PLCH1: variants seen among roughly 807,000 people sequenced by gnomAD.
PLCH1 encodes the protein 1-phosphatidylinositol 4,5-bisphosphate phosphodiesterase eta-1.
A neutral mutation model predicts 126.7 loss-of-function variants in PLCH1; 60 were observed. The ratio of observed to expected loss-of-function variants is 0.47; its 90% CI spans 0.38 to 0.59. The LOEUF is 0.59. Ranked by LOEUF, PLCH1 falls within the 20% of genes least tolerant of loss-of-function variation. The pLI, the probability that PLCH1 is intolerant of heterozygous loss-of-function variation, is 0.00. For missense variants in PLCH1, 1,723 were observed against 2,040.0 expected, an observed-to-expected ratio of 0.84 and a Z score of 2.99; for synonymous variants, 719 against 734.9, an observed-to-expected ratio of 0.98 and a Z score of 0.35.
chr3:155,520,605 G>A (rs1036013688), intron 11 of PLCH1, among the ~76,000 whole-genome samples: 15 of 152,208 alleles, frequency 9.9e-5, no homozygotes, highest in African/African-American at 3.6e-4. Flanking sequence ...TACAGAGGTG[G>A]AAAGTGTGTA....
At position 155,470,332 on chromosome 3, in the gene PLCH1, G is replaced by C. The variant is rs199915783; in HGVS notation, c.2938+15024C>G. On this transcript the variant is annotated intron_variant, in intron 21 of 21. Transcript: ENST00000494598. Reference sequence around the variant, plus strand: ...ACTGGAAGAAAGGGTATCAGCGATAGAAGATGAAATGAATGAAATGAAGCG... The same window carrying C: ...ACTGGAAGAAAGGGTATCAGCGATACAAGATGAAATGAATGAAATGAAGCG... 2.4e-4 allele frequency among the ~76,000 whole-genome samples: 36 copies of C among 152,306 alleles called. No individual in the cohort carries two copies. The East Asian group carries it at 5.2e-3, about 22-fold the overall frequency.
At chr3:155,495,311 A>G (rs111771678) in intron 15 of PLCH1, among the ~76,000 whole-genome samples, 93 of 152,274 alleles carry the variant, frequency 6.1e-4, no homozygotes, top group African/African-American at 2.2e-3. Flanking sequence ...TGGGGGTCAT[A>G]ATGGAGTAAA....
At chr3:155,594,780 A>G (rs1461829288) in intron 3 of PLCH1, among the ~76,000 whole-genome samples, 1 of 152,206 alleles carries the variant, frequency 6.6e-6, no homozygotes, top group African/African-American at 2.4e-5. Flanking sequence ...TAGATATGTC[A>G]ATTGAAGCAA....
intron 10 of PLCH1, among the ~76,000 whole-genome samples, chr3:155,524,686 G>A (rs6440999): frequency 0.93 from 141,264 of 152,156 alleles, 66,176 homozygotes; most frequent in Middle Eastern, 0.98. Context: ...ACTATAGTTT[G>A]AAAAATCAAA....
intron 6 of PLCH1, among the ~76,000 whole-genome samples, chr3:155,577,086 T>A (rs985340558): frequency 2.0e-5 from 3 of 152,190 alleles, no homozygotes; most frequent in Non-Finnish European, 4.4e-5. Flanking sequence ...GGTGAGACCC[T>A]GTCTCTAAAA....
At chr3:155,526,776 G>A (rs1253066238) in intron 10 of PLCH1, among the ~76,000 whole-genome samples, 3 of 152,122 alleles carry the variant, frequency 2.0e-5, no homozygotes, top group Admixed American at 1.3e-4. Flanking sequence ...TGACCTACAG[G>A]GACTGTGGAA....
At chr3:155,543,653 C>A (rs557030034) in intron 10 of PLCH1, among the ~76,000 whole-genome samples, 2 of 151,634 alleles carry the variant, frequency 1.3e-5, no homozygotes, top group Non-Finnish European at 2.9e-5. Context: ...GTCGGGTTAC[C>A]CACAAAGGGA....
chr3:155,496,157 T>C (rs1361487104), intron 15 of PLCH1, among the ~76,000 whole-genome samples: 2 of 152,188 alleles, frequency 1.3e-5, no homozygotes, highest in African/African-American at 4.8e-5. Context: ...TTTCATTTTG[T>C]GGCTGGCAAA....
intron 2 of PLCH1, among the ~76,000 whole-genome samples, chr3:155,654,251 A>G (rs1284875340): frequency 6.6e-6 from 1 of 151,810 alleles, no homozygotes; most frequent in Non-Finnish European, 1.5e-5. Flanking sequence ...ACTTTGTTGG[A>G]TAATCCTCCT....
chr3:155,458,486 GAAAGAAAGAAAGAGAAA>G, intron 21 of PLCH1, among the ~76,000 whole-genome samples: 1 of 97,972 alleles, frequency 1.0e-5, no homozygotes, highest in African/African-American at 9.6e-5. Flanking sequence ...AAGAAAGAAA[GAAAGAAAGAAAGAGAAA>G]GAAGAGAGAG....
chr3:155,524,191 G>A (rs1411216507), intron 10 of PLCH1, among the ~76,000 whole-genome samples, 187 bp from the exon 11 acceptor site: 1 of 152,168 alleles, frequency 6.6e-6, no homozygotes, highest in African/African-American at 2.4e-5. Flanking sequence ...GAACCTTGAA[G>A]GTATTATGCT....
At chr3:155,735,490 C>G (rs890629283) in intron 1 of PLCH1, among the ~76,000 whole-genome samples, 8 of 151,786 alleles carry the variant, frequency 5.3e-5, no homozygotes, top group Non-Finnish European at 1.2e-4. Context: ...AAAAATTAGC[C>G]GGGCGTGGTG....
At chr3:155,497,002 G>A (rs945448031) in intron 15 of PLCH1, among the ~76,000 whole-genome samples, 10 of 152,162 alleles carry the variant, frequency 6.6e-5, no homozygotes, top group East Asian at 1.9e-4. Context: ...TCCTCAAGCC[G>A]GGCCTGGACT....
At chr3:155,600,935 T>C (rs538387200) in intron 2 of PLCH1, among the ~76,000 whole-genome samples, 1 of 152,226 alleles carries the variant, frequency 6.6e-6, no homozygotes, top group African/African-American at 2.4e-5. Flanking sequence ...AAACTCTTAA[T>C]AGAGTCCCAT....
At chr3:155,471,345 G>A (rs968704257) in intron 21 of PLCH1, among the ~76,000 whole-genome samples, 8 of 152,028 alleles carry the variant, frequency 5.3e-5, no homozygotes, top group Non-Finnish European at 1.0e-4. Context: ...ATTACATAAT[G>A]GTAAAGGGAT....
At chr3:155,483,253 A>T in intron 22 of PLCH1, 1 of 956,116 alleles carries the variant, frequency 1.0e-6, no homozygotes, top group Non-Finnish European at 1.6e-6. Flanking sequence ...ATTTCACTGG[A>T]GCTTCCCTTT....
chr3:155,492,286 C>A (rs115807003), intron 18 of PLCH1, among the ~76,000 whole-genome samples: 1 of 152,126 alleles, frequency 6.6e-6, no homozygotes, highest in Non-Finnish European at 1.5e-5. Flanking sequence ...TAAAATCACG[C>A]GACACAGGTA....
intron 2 of PLCH1, among the ~76,000 whole-genome samples, chr3:155,657,283 G>A (rs778759385): frequency 6.6e-6 from 1 of 152,136 alleles, no homozygotes; most frequent in South Asian, 2.1e-4. Context: ...GGTTGCCTCA[G>A]CTTACTGCCT....
intron 2 of PLCH1, among the ~76,000 whole-genome samples, chr3:155,622,013 A>G (rs1180611439): frequency 2.0e-5 from 3 of 152,218 alleles, no homozygotes; most frequent in Non-Finnish European, 4.4e-5. Context: ...AGCCAGAGAG[A>G]AAAGTCAGGT....
Sources: allele counts gnomAD v4.1 joint callset (sites outside exome capture counted in the v4.1 genomes callset), GRCh38; gene constraint gnomAD v4.1.1; transcripts MANE v1.5; gene names NCBI Gene and HGNC (gene_info 2026-07-23, HGNC 2026-07-21).